Variants in WARS2 observed in about 807,000 individuals in gnomAD.
WARS2 encodes the protein tryptophanyl tRNA synthetase 2, mitochondrial.
WARS2 carries 28 observed loss-of-function variants against 36.5 expected under a neutral mutation model. That is an observed-to-expected ratio of 0.77 (90% confidence interval 0.57 to 1.05). The LOEUF (loss-of-function observed/expected upper bound fraction) is 1.05. WARS2 is among the 50% of genes least tolerant of loss of function. The probability of loss-of-function intolerance (pLI) is 0.00; values close to 1 mark genes in which losing one functional copy is unlikely to be tolerated. For synonymous variants in WARS2, 174 were observed against 178.4 expected (o/e 0.98, Z 0.20); for missense variants, 435 against 456.8 (o/e 0.95, Z 0.44).
rs527811859 is a variant in WARS2 at position 119,033,921 on chromosome 1, G to A, written c.634+174C>T. 7.2e-5 allele frequency among the ~76,000 whole-genome samples: 11 copies of A among 152,034 alleles called. No homozygotes were observed. In the South Asian group the frequency reaches 1.7e-3, roughly 23 times the overall value. On this transcript the variant is annotated intron_variant, in intron 5 of 5. Coordinates refer to ENST00000235521, the MANE Select transcript of WARS2 (RefSeq NM_015836.4). ...CCAACATCTTTTTCAGGAATCCAAC[G>A]TAGTCTACTTTCTAGTCCTACACTA...
In WARS2 at chr1:119,109,402, A is replaced by G. The variant is rs80223897; in HGVS notation, c.90+31153T>C. Reference sequence around the variant, plus strand: ...AGGCACATACACATTAAGGATTATCATGTCTTTTTAGAGAATTGACCTCTT... The same window carrying G: ...AGGCACATACACATTAAGGATTATCGTGTCTTTTTAGAGAATTGACCTCTT... On this transcript the variant is annotated intron_variant, in intron 1 of 5. Transcript: ENST00000235521. Among the ~76,000 whole-genome samples, 1,175 of 152,054 alleles carry G rather than the reference A, an allele frequency of 7.7e-3. 18 individuals are homozygous for G. Among genetic ancestry groups the G allele is most frequent in the African/African-American group, 0.028 (1,148 of 41,546 alleles).
intron 1 of WARS2, chr1:119,127,284 A>C (rs1571398883): frequency 1.4e-6 from 1 of 711,968 alleles, no homozygotes; most frequent in East Asian, 3.0e-5. Context: ...GTTCTTGCCA[A>C]CCTCCATGGT....
chr1:119,131,077 T>C (rs1656061361), intron 1 of WARS2, among the ~76,000 whole-genome samples: 1 of 152,174 alleles, frequency 6.6e-6, no homozygotes, highest in Non-Finnish European at 1.5e-5. Flanking sequence ...AAAGGATGTA[T>C]TTTTTTCTAT....
At chr1:119,107,609 A>G (rs1255388758) in intron 1 of WARS2, among the ~76,000 whole-genome samples, 1 of 151,916 alleles carries the variant, frequency 6.6e-6, no homozygotes, top group East Asian at 1.9e-4. Context: ...CCTGTTTCCT[A>G]TATAATGCCT....
intron 1 of WARS2, among the ~76,000 whole-genome samples, chr1:119,128,967 T>C (rs1475731965): frequency 3.3e-5 from 5 of 152,188 alleles, no homozygotes. Context: ...GAAGTTTTGT[T>C]CTATTTTAGA....
chr1:119,102,388 C>T (rs1472318353), intron 1 of WARS2, among the ~76,000 whole-genome samples: 3 of 152,312 alleles, frequency 2.0e-5, no homozygotes, highest in Non-Finnish European at 4.4e-5. Context: ...ATTGTACCAA[C>T]TTTTCTACTT....
intron 1 of WARS2, among the ~76,000 whole-genome samples, chr1:119,110,153 T>TTAGA (rs1654530393): frequency 6.6e-6 from 1 of 152,056 alleles, no homozygotes; most frequent in Admixed American, 6.5e-5. Flanking sequence ...GAATGAATTG[T>TTAGA]TATCTATTAG....
intron 1 of WARS2, among the ~76,000 whole-genome samples, chr1:119,106,680 T>C (rs1005582079): frequency 2.0e-5 from 3 of 152,226 alleles, no homozygotes; most frequent in Non-Finnish European, 4.4e-5. Context: ...TGTTCCATTG[T>C]CTGGATGTAC....
chr1:119,125,478 A>G (rs764810353), intron 1 of WARS2, among the ~76,000 whole-genome samples: 9 of 152,286 alleles, frequency 5.9e-5, no homozygotes, highest in Middle Eastern at 6.8e-3. Flanking sequence ...TCTATCTCCA[A>G]TATCTACCAT....
intron 4 of WARS2, 37 bp from the exon 5 acceptor site, chr1:119,034,250 C>T (rs1375171451): frequency 1.3e-6 from 2 of 1,545,068 alleles, no homozygotes; most frequent in Non-Finnish European, 1.8e-6. Context: ...AACAGCAAGG[C>T]TCTTTCTTAG....
chr1:119,033,883 C>T (rs1258852192), intron 5 of WARS2, among the ~76,000 whole-genome samples: 2 of 152,114 alleles, frequency 1.3e-5, no homozygotes, highest in African/African-American at 4.8e-5. Context: ...TTTTAGTTAT[C>T]CTTTTCAATA....
Position 119,128,830 on chromosome 1 carries a change from G to A in WARS2, c.90+11725C>T, listed in dbSNP as rs867777958. 4.0e-4 allele frequency among the ~76,000 whole-genome samples: 61 copies of A among 152,196 alleles called. No homozygotes were observed. In the Middle Eastern group the frequency reaches 0.01, roughly 25 times the overall value. On this transcript the variant is annotated intron_variant, in intron 1 of 5. Coordinates refer to ENST00000235521, the MANE Select transcript of WARS2 (RefSeq NM_015836.4). ...GACTTTCAAAAAGACAGGTGTCATG[G>A]AAGCCTGACCAAAAACCCTGCTAGT...
chr1:119,126,343 A>G (rs1655654439), intron 1 of WARS2, among the ~76,000 whole-genome samples: 1 of 152,218 alleles, frequency 6.6e-6, no homozygotes, highest in Non-Finnish European at 1.5e-5. Flanking sequence ...ATTTCAATTA[A>G]GCTCTCAACC....
chr1:119,057,071 G>T (rs1038664527), intron 2 of WARS2, among the ~76,000 whole-genome samples: 28 of 152,166 alleles, frequency 1.8e-4, no homozygotes, highest in African/African-American at 6.5e-4. Flanking sequence ...CCAAGTGGGT[G>T]AACTGGTATC....
At chr1:119,083,952 A>G (rs926199070) in intron 1 of WARS2, among the ~76,000 whole-genome samples, 1 of 152,212 alleles carries the variant, frequency 6.6e-6, no homozygotes, top group Non-Finnish European at 1.5e-5. Flanking sequence ...TAATCGATCA[A>G]GAAGCACTAC....
intron 1 of WARS2, among the ~76,000 whole-genome samples, chr1:119,093,128 C>A (rs1653159238): frequency 1.3e-5 from 2 of 152,068 alleles, no homozygotes; most frequent in Non-Finnish European, 2.9e-5. Flanking sequence ...ATAGTAAGGG[C>A]AATTATCCCC....
At chr1:119,080,868 C>T (rs1008318842) in intron 1 of WARS2, among the ~76,000 whole-genome samples, 12 of 152,218 alleles carry the variant, frequency 7.9e-5, no homozygotes, top group African/African-American at 2.9e-4. Context: ...AAAACAGCTT[C>T]TAGCCTAGCC....
intron 1 of WARS2, among the ~76,000 whole-genome samples, chr1:119,127,473 C>T (rs912311908): frequency 2.0e-5 from 3 of 152,080 alleles, no homozygotes; most frequent in Admixed American, 6.6e-5. Flanking sequence ...ATGTTCTTAT[C>T]GATGTTATAA....
At chr1:119,085,242 A>G in intron 1 of WARS2, 3 of 866,656 alleles carry the variant, frequency 3.5e-6, no homozygotes, top group Non-Finnish European at 4.0e-6. Context: ...CCCCTTCTTC[A>G]GCTCCCTCTC....
Sources: allele counts gnomAD v4.1 joint callset (sites outside exome capture counted in the v4.1 genomes callset), GRCh38; gene constraint gnomAD v4.1.1; transcripts MANE v1.5; gene names NCBI Gene and HGNC (gene_info 2026-07-23, HGNC 2026-07-21).